Variants in PXDNL observed in about 807,000 individuals in gnomAD.
PXDNL encodes the protein probable oxidoreductase PXDNL.
A neutral mutation model predicts 150.8 loss-of-function variants in PXDNL; 145 were observed. That is an observed-to-expected ratio of 0.96 (90% CI 0.84 to 1.10). The LOEUF (loss-of-function observed/expected upper bound fraction) is 1.10. PXDNL is among the 50% of genes least tolerant of loss of function. The pLI, the probability that PXDNL is intolerant of heterozygous loss-of-function variation, is 0.00. For missense variants in PXDNL, 2,087 were observed against 1,873.9 expected, an observed-to-expected ratio of 1.11 and a Z score of -2.10; for synonymous variants, 757 against 725.7, an observed-to-expected ratio of 1.04 and a Z score of -0.69.
chr8:51,392,432 T>C (rs1003170860), intron 17 of PXDNL, among the ~76,000 whole-genome samples: 1 of 152,184 alleles, frequency 6.6e-6, no homozygotes, highest in Non-Finnish European at 1.5e-5. Context: ...TGGTTTATAG[T>C]TCTCCTTGAA....
chr8:51,761,025 A>AT (rs71237238), intron 1 of PXDNL, among the ~76,000 whole-genome samples: 10,688 of 114,368 alleles, frequency 0.093, 817 homozygotes, highest in African/African-American at 0.19. Context: ...CGCCCGGCTA[A>AT]TTTTTTTTTT....
chr8:51,497,398 C>A (rs977328101), intron 5 of PXDNL, among the ~76,000 whole-genome samples: 1 of 152,118 alleles, frequency 6.6e-6, no homozygotes, highest in African/African-American at 2.4e-5. Context: ...TCTAAAACAC[C>A]AAAAGCAATG....
chr8:51,383,462 C>G (rs1807608169), intron 17 of PXDNL, among the ~76,000 whole-genome samples: 1 of 152,202 alleles, frequency 6.6e-6, no homozygotes, highest in Non-Finnish European at 1.5e-5. Context: ...CACCAAGCCC[C>G]TTTCTGTTGT....
rs957521772 is a variant in PXDNL at position 51,768,571 on chromosome 8, C to T, written c.164+40610G>A. ...CAATAACAATCAAGTTCCAAATTTT[C>T]AGATAATTATATTAATACAGGGCTA... On this transcript the variant is annotated intron_variant, in intron 1 of 22. Transcript: ENST00000356297. Among the ~76,000 whole-genome samples, 3 of 152,128 alleles carry T rather than the reference C, an allele frequency of 2.0e-5. No individual in the cohort carries two copies. The East Asian group carries it at 5.8e-4, about 29-fold the overall frequency.
At chr8:51,656,140 C>T (rs1324251984) in intron 1 of PXDNL, among the ~76,000 whole-genome samples, 1 of 151,872 alleles carries the variant, frequency 6.6e-6, no homozygotes, top group Non-Finnish European at 1.5e-5. Flanking sequence ...AAACTATTTA[C>T]TTCCCCTCAA....
At chr8:51,561,825 C>T (rs1400791179) in intron 3 of PXDNL, among the ~76,000 whole-genome samples, 1 of 151,832 alleles carries the variant, frequency 6.6e-6, no homozygotes, top group South Asian at 2.1e-4. Flanking sequence ...TTGAATAATA[C>T]CAAATCATTT....
intron 1 of PXDNL, among the ~76,000 whole-genome samples, chr8:51,722,362 C>T (rs184773796): frequency 2.5e-4 from 38 of 152,336 alleles, no homozygotes; most frequent in Non-Finnish European, 3.8e-4. Flanking sequence ...GACCCCACAG[C>T]GGCATCCAGG....
At chr8:51,394,494 T>A (rs1808016915) in intron 17 of PXDNL, among the ~76,000 whole-genome samples, 1 of 152,204 alleles carries the variant, frequency 6.6e-6, no homozygotes, top group African/African-American at 2.4e-5. Flanking sequence ...CCTTCTTCAA[T>A]CGTGCTTTGA....
intron 17 of PXDNL, among the ~76,000 whole-genome samples, chr8:51,406,475 T>C (rs1288538736): frequency 1.3e-5 from 2 of 152,138 alleles, no homozygotes; most frequent in Non-Finnish European, 2.9e-5. Context: ...GCTTTAGAGT[T>C]AAATACGGAG....
intron 4 of PXDNL, among the ~76,000 whole-genome samples, chr8:51,553,859 A>G (rs1191333407): frequency 6.6e-6 from 1 of 151,826 alleles, no homozygotes; most frequent in African/African-American, 2.4e-5. Flanking sequence ...TGTTTAACAC[A>G]GTGAACTTTT....
intron 1 of PXDNL, among the ~76,000 whole-genome samples, chr8:51,684,896 C>A (rs1006955313): frequency 6.6e-6 from 1 of 152,120 alleles, no homozygotes; most frequent in Non-Finnish European, 1.5e-5. Flanking sequence ...GCCTGCGTGG[C>A]CTGCAAAGAA....
chr8:51,534,448 T>G (rs1812008325), intron 4 of PXDNL, among the ~76,000 whole-genome samples: 1 of 100,176 alleles, frequency 1.0e-5, no homozygotes. Context: ...GGAGCCCCTC[T>G]GCCCGGCCAG....
intron 1 of PXDNL, among the ~76,000 whole-genome samples, chr8:51,757,243 T>C (rs953495775): frequency 6.6e-6 from 1 of 152,216 alleles, no homozygotes; most frequent in African/African-American, 2.4e-5. Context: ...TCCTCTAGAC[T>C]TGTTTTCCAT....
chr8:51,601,287 G>C (rs1366151618), intron 2 of PXDNL, among the ~76,000 whole-genome samples: 1 of 151,750 alleles, frequency 6.6e-6, no homozygotes, highest in African/African-American at 2.4e-5. Flanking sequence ...TTAATTTTCT[G>C]CCTTGATGCT....
intron 1 of PXDNL, among the ~76,000 whole-genome samples, chr8:51,738,872 A>G (rs565504147): frequency 2.2e-4 from 34 of 152,290 alleles, no homozygotes; most frequent in African/African-American, 8.2e-4. Flanking sequence ...TAGAGAACAC[A>G]TCTCCACTTA....
intron 1 of PXDNL, among the ~76,000 whole-genome samples, chr8:51,719,389 A>T (rs955779369): frequency 1.1e-4 from 17 of 152,158 alleles, no homozygotes; most frequent in Admixed American, 6.5e-5. Flanking sequence ...CTCAGGGTTA[A>T]ATGGATTAAG....
intron 1 of PXDNL, among the ~76,000 whole-genome samples, chr8:51,721,517 T>G (rs1298571391): frequency 6.6e-6 from 1 of 152,146 alleles, no homozygotes. Context: ...GTTGACTCAA[T>G]TCTATACCTA....
At chr8:51,683,218 A>G (rs1361684671) in intron 1 of PXDNL, among the ~76,000 whole-genome samples, 1 of 114,548 alleles carries the variant, frequency 8.7e-6, no homozygotes, top group Admixed American at 9.7e-5. Context: ...AGAAATGCAC[A>G]TCAAAGCCAC....
At chr8:51,676,793 G>C (rs1288225056) in intron 1 of PXDNL, among the ~76,000 whole-genome samples, 1 of 152,156 alleles carries the variant, frequency 6.6e-6, no homozygotes, top group African/African-American at 2.4e-5. Context: ...GTATTATCAA[G>C]CTCAGTGTCA....
Sources: allele counts gnomAD v4.1 joint callset (sites outside exome capture counted in the v4.1 genomes callset), GRCh38; gene constraint gnomAD v4.1.1; transcripts MANE v1.5; gene names NCBI Gene and HGNC (gene_info 2026-07-23, HGNC 2026-07-21).